Variants in KIF6 observed in about 807,000 individuals in gnomAD.
The protein encoded by KIF6 is kinesin-like protein KIF6.
In KIF6, 106 loss-of-function variants were observed where a neutral mutation model predicts 112.7. The observed-to-expected ratio is 0.94, with a 90% CI of 0.80 to 1.11. The LOEUF (loss-of-function observed/expected upper bound fraction) is 1.11, where lower values mean the gene tolerates loss of function less well. Ranked by LOEUF, KIF6 falls within the 50% of genes least tolerant of loss-of-function variation. The pLI is 0.00. For missense variants in KIF6, 929 were observed against 964.0 expected (o/e 0.96, Z 0.48); for synonymous variants, 339 against 339.9 (o/e 1.00, Z 0.03).
intron 15 of KIF6, among the ~76,000 whole-genome samples, chr6:39,415,277 G>A (rs577118615): frequency 3.6e-4 from 45 of 125,928 alleles, no homozygotes; most frequent in African/African-American, 1.2e-3. Context: ...AAGACCAATC[G>A]CCAATACAGA....
intron 3 of KIF6, among the ~76,000 whole-genome samples, chr6:39,710,482 A>AC (rs397725517): frequency 2.6e-5 from 4 of 151,130 alleles, no homozygotes; most frequent in South Asian, 4.2e-4. Flanking sequence ...AAAAAAAAAA[A>AC]CCCAGTGTTT....
At position 39,592,114 on chromosome 6, in the gene KIF6, A is replaced by AC. The variant is rs1238373779; in HGVS notation, c.846+3939_846+3940insG. Among the ~76,000 whole-genome samples the AC allele has an allele frequency of 2.7e-4, 41 of 150,158 alleles. No individual in the cohort carries two copies. In the East Asian group the frequency reaches 6.0e-3, roughly 22 times the overall value. On this transcript the variant is annotated intron_variant, in intron 7 of 22. Transcript: ENST00000287152. Reference sequence around the variant, plus strand: ...GCGACAGAGTGAGACTCCGTCTCAAAAAAACAAACAAACAAACAAACAAAC... The same window carrying AC: ...GCGACAGAGTGAGACTCCGTCTCAAACAAAACAAACAAACAAACAAACAAAC...
chr6:39,529,199 A>G (rs1050173969), intron 13 of KIF6, among the ~76,000 whole-genome samples: 2 of 152,216 alleles, frequency 1.3e-5, no homozygotes, highest in Admixed American at 6.5e-5. Flanking sequence ...AAACTGAAAA[A>G]TTACTAGAAG....
intron 13 of KIF6, among the ~76,000 whole-genome samples, chr6:39,435,812 T>C (rs1771486429): frequency 6.6e-6 from 1 of 152,240 alleles, no homozygotes; most frequent in South Asian, 2.1e-4. Context: ...TAAATTGCGC[T>C]GTGATAAACA....
chr6:39,621,190 AAGAT>A (rs1009018653), intron 5 of KIF6, among the ~76,000 whole-genome samples: 5 of 136,946 alleles, frequency 3.7e-5, no homozygotes, highest in Non-Finnish European at 7.7e-5. Flanking sequence ...ATAACACCGT[AAGAT>A]AGACACACAC....
intron 15 of KIF6, among the ~76,000 whole-genome samples, chr6:39,394,866 T>G (rs1768141658): frequency 6.6e-6 from 1 of 152,196 alleles, no homozygotes; most frequent in Admixed American, 6.5e-5. Flanking sequence ...TATCAATACT[T>G]TCTAGAAAAA....
chr6:39,500,767 T>G (rs1434466358), intron 13 of KIF6, among the ~76,000 whole-genome samples: 3 of 151,978 alleles, frequency 2.0e-5, no homozygotes, highest in Non-Finnish European at 4.4e-5. Context: ...AATGGGAGTT[T>G]GGAGTTCAAG....
chr6:39,523,645 CATATATATATAT>C (rs56952665), intron 13 of KIF6, among the ~76,000 whole-genome samples: 1,119 of 32,420 alleles, frequency 0.035, 22 homozygotes, highest in South Asian at 0.056. Context: ...TTAATTCTGC[CATATATATATAT>C]ATATATATAT....
At chr6:39,532,816 G>T (rs1778149566) in intron 13 of KIF6, among the ~76,000 whole-genome samples, 1 of 152,082 alleles carries the variant, frequency 6.6e-6, no homozygotes, top group East Asian at 1.9e-4. Context: ...TTCATCTTAG[G>T]TTGCCAAAAA....
intron 13 of KIF6, among the ~76,000 whole-genome samples, chr6:39,433,119 A>G (rs1171421505): frequency 6.6e-6 from 1 of 152,270 alleles, no homozygotes; most frequent in Non-Finnish European, 1.5e-5. Flanking sequence ...ACCACTCCAG[A>G]GCCCACGGCA....
At chr6:39,594,832 C>T (rs1782159277) in intron 7 of KIF6, among the ~76,000 whole-genome samples, 1 of 151,968 alleles carries the variant, frequency 6.6e-6, no homozygotes, top group African/African-American at 2.4e-5. Flanking sequence ...GATCATGTTT[C>T]TTATTTTTTA....
intron 17 of KIF6, among the ~76,000 whole-genome samples, chr6:39,361,423 G>C (rs1409826527): frequency 6.6e-6 from 1 of 151,940 alleles, no homozygotes; most frequent in Non-Finnish European, 1.5e-5. Flanking sequence ...GCTGGGTGTT[G>C]TGGTGCGTGG....
intron 15 of KIF6, among the ~76,000 whole-genome samples, chr6:39,390,798 G>T (rs752057274): frequency 6.6e-5 from 10 of 152,150 alleles, no homozygotes; most frequent in Middle Eastern, 3.2e-3. Context: ...TAGAGGCTCC[G>T]AACTCTGAGT....
chr6:39,366,680 G>C (rs1352460844), intron 16 of KIF6, among the ~76,000 whole-genome samples: 2 of 152,176 alleles, frequency 1.3e-5, no homozygotes, highest in Non-Finnish European at 2.9e-5. Context: ...AAAGGCCTGA[G>C]GTGTGAGCCT....
At chr6:39,564,168 A>G (rs1281612224) in intron 10 of KIF6, among the ~76,000 whole-genome samples, 6 of 152,250 alleles carry the variant, frequency 3.9e-5, no homozygotes, top group Middle Eastern at 3.2e-3. Context: ...AGAAGCTCTA[A>G]TAGCAGGAGG....
At chr6:39,337,193 TTC>T (rs1446329047) in intron 22 of KIF6, among the ~76,000 whole-genome samples, 5 of 99,998 alleles carry the variant, frequency 5.0e-5, no homozygotes, top group African/African-American at 3.5e-4. Flanking sequence ...CTTTCTTTCT[TTC>T]TTTCTTTCTT....
At chr6:39,381,022 C>T (rs1766889076) in intron 16 of KIF6, among the ~76,000 whole-genome samples, 1 of 152,184 alleles carries the variant, frequency 6.6e-6, no homozygotes, top group African/African-American at 2.4e-5. Flanking sequence ...CAGCTCAGCA[C>T]ACCACTGGGA....
intron 1 of KIF6, 25 bp downstream of exon 1, chr6:39,725,220 G>A: frequency 1.9e-6 from 3 of 1,599,034 alleles, no homozygotes; most frequent in Non-Finnish European, 2.6e-6. Flanking sequence ...CGCCGCGCCG[G>A]CGCCCCGGAG....
At chr6:39,650,058 A>C (rs1785393001) in intron 3 of KIF6, among the ~76,000 whole-genome samples, 1 of 152,150 alleles carries the variant, frequency 6.6e-6, no homozygotes, top group African/African-American at 2.4e-5. Context: ...AAGTAAGGGG[A>C]TCTCTTGAGA....
Sources: allele counts gnomAD v4.1 joint callset (sites outside exome capture counted in the v4.1 genomes callset), GRCh38; gene constraint gnomAD v4.1.1; transcripts MANE v1.5; gene names NCBI Gene and HGNC (gene_info 2026-07-23, HGNC 2026-07-21).